The following RBFOX1 variants were observed in gnomAD, a reference collection of about 807,000 sequenced individuals.
RBFOX1 encodes the protein RNA binding fox-1 homolog 1.
RBFOX1 carries 8 observed loss-of-function variants against 57.7 expected under a neutral mutation model. The observed-to-expected ratio is 0.14, with a 90% CI of 0.08 to 0.25. RBFOX1 has a LOEUF of 0.25. RBFOX1 is among the 10% of genes least tolerant of loss of function. RBFOX1 has a pLI of 1.00. For synonymous variants in RBFOX1, 326 were observed against 222.4 expected (o/e 1.47, Z -4.15); for missense variants, 611 against 548.5 (o/e 1.11, Z -1.14).
chr16:6,169,042 G>T (rs186025717), intron 1 of RBFOX1, among the ~76,000 whole-genome samples: 2 of 152,082 alleles, frequency 1.3e-5, no homozygotes, highest in Admixed American at 1.3e-4. Flanking sequence ...CATAATGAGC[G>T]TCATATAAAC....
chr16:6,462,232 G>T (rs749466468), intron 2 of RBFOX1, among the ~76,000 whole-genome samples: 9 of 152,142 alleles, frequency 5.9e-5, no homozygotes, highest in Non-Finnish European at 1.2e-4. Context: ...CAGTCCTCCA[G>T]TCTCACTCTG....
chr16:5,399,283 G>A (rs952801786), intron 1 of RBFOX1, among the ~76,000 whole-genome samples: 1 of 152,204 alleles, frequency 6.6e-6, no homozygotes, highest in African/African-American at 2.4e-5. Flanking sequence ...CTTAGCCGTG[G>A]ATGAGGTCAA....
At chr16:7,316,112 T>C (rs976119735) in intron 4 of RBFOX1, among the ~76,000 whole-genome samples, 2 of 152,244 alleles carry the variant, frequency 1.3e-5, no homozygotes, top group African/African-American at 4.8e-5. Context: ...ATTTCCTCTT[T>C]AATCATGCAG....
chr16:5,364,576 C>G (rs1460282278), intron 1 of RBFOX1, among the ~76,000 whole-genome samples: 3 of 152,192 alleles, frequency 2.0e-5, no homozygotes, highest in Admixed American at 6.5e-5. Flanking sequence ...GATACTTACT[C>G]CATTCTCTAT....
chr16:5,760,428 G>C lies in RBFOX1; in HGVS notation c.319-106875G>C, dbSNP rs533549689. 2.0e-5 allele frequency among the ~76,000 whole-genome samples: 3 copies of C among 152,146 alleles called. No homozygotes were observed. The South Asian group carries it at 6.2e-4, about 32-fold the overall frequency. ...CATACATATATACCCCCAAAGAATT[G>C]TAAGTAGGTATTCAATTACATGTCC... On this transcript the variant is annotated intron_variant, in intron 3 of 19. Coordinates refer to the RBFOX1 transcript ENST00000641259.
chr16:7,518,096 G>T (rs1325557109), intron 4 of RBFOX1, 51 bp from the exon 5 acceptor site: 1 of 1,568,806 alleles, frequency 6.4e-7, no homozygotes, highest in South Asian at 1.2e-5. Context: ...GTTTCTGCAT[G>T]GTGGCTCCTC....
At chr16:6,420,539 C>T (rs138131834) in intron 2 of RBFOX1, among the ~76,000 whole-genome samples, 1 of 152,116 alleles carries the variant, frequency 6.6e-6, no homozygotes, top group African/African-American at 2.4e-5. Context: ...TGGAGAAAAA[C>T]CACATCGGGA....
At chr16:5,876,932 G>T (rs1178288606) in intron 4 of RBFOX1, among the ~76,000 whole-genome samples, 1 of 152,152 alleles carries the variant, frequency 6.6e-6, no homozygotes, top group Non-Finnish European at 1.5e-5. Context: ...TATGGGGGAA[G>T]GCCTGGAGAT....
At chr16:6,717,785 T>G (rs1603457551) in intron 3 of RBFOX1, among the ~76,000 whole-genome samples, 1 of 152,164 alleles carries the variant, frequency 6.6e-6, no homozygotes, top group Non-Finnish European at 1.5e-5. Context: ...ATTCTCAACA[T>G]GGACCCAGCA....
chr16:7,146,631 C>G (rs997032551), intron 4 of RBFOX1, among the ~76,000 whole-genome samples: 1 of 152,064 alleles, frequency 6.6e-6, no homozygotes, highest in Non-Finnish European at 1.5e-5. Flanking sequence ...ACTCCAGAAA[C>G]TCAGAACCCA....
chr16:7,403,709 G>A (rs2098283441), intron 4 of RBFOX1, among the ~76,000 whole-genome samples: 2 of 151,858 alleles, frequency 1.3e-5, no homozygotes, highest in South Asian at 4.2e-4. Flanking sequence ...ACTACTCCAT[G>A]TGAATTTTGT....
At chr16:6,395,514 GT>G (rs1291917301) in intron 2 of RBFOX1, among the ~76,000 whole-genome samples, 1 of 151,816 alleles carries the variant, frequency 6.6e-6, no homozygotes, top group Non-Finnish European at 1.5e-5. Flanking sequence ...AGATATTTAA[GT>G]TCTTACTTTT....
In RBFOX1 at chr16:6,384,977, G is replaced by A. The variant is rs1157214090; in HGVS notation, c.-64+67920G>A. Among the ~76,000 whole-genome samples, 5 of 152,280 alleles carry A rather than the reference G, an allele frequency of 3.3e-5. No homozygotes were observed. In the South Asian group the frequency reaches 6.2e-4, roughly 19 times the overall value. On this transcript the variant is annotated intron_variant, in intron 2 of 15. Transcript: ENST00000550418. ...TTCTGTGTAAATGGTAGCCATGTCC[G>A]AGTGGGTGTCACTCACCCTATTTCA...
chr16:5,528,996 G>A (rs2044355499), intron 2 of RBFOX1, among the ~76,000 whole-genome samples: 1 of 151,930 alleles, frequency 6.6e-6, no homozygotes, highest in South Asian at 2.1e-4. Flanking sequence ...TTCTCATCTG[G>A]TTGCATGCAG....
intron 3 of RBFOX1, among the ~76,000 whole-genome samples, chr16:6,914,804 C>A (rs1246528421): frequency 6.6e-6 from 1 of 152,180 alleles, no homozygotes; most frequent in Admixed American, 6.5e-5. Flanking sequence ...AACAAGATCG[C>A]TGAAGCCCAG....
At chr16:6,507,826 G>A (rs1250175118) in intron 2 of RBFOX1, among the ~76,000 whole-genome samples, 1 of 151,864 alleles carries the variant, frequency 6.6e-6, no homozygotes, top group Non-Finnish European at 1.5e-5. Flanking sequence ...AAGGAGGGGG[G>A]AATGGGGAAT....
At chr16:5,787,790 A>T (rs2054556051) in intron 3 of RBFOX1, among the ~76,000 whole-genome samples, 1 of 152,228 alleles carries the variant, frequency 6.6e-6, no homozygotes. Flanking sequence ...TCATTTCCCA[A>T]GGTGTTCCTG....
At chr16:6,242,656 A>ACACACG (rs1194079685) in intron 1 of RBFOX1, among the ~76,000 whole-genome samples, 2 of 131,676 alleles carry the variant, frequency 1.5e-5, no homozygotes, top group Admixed American at 1.6e-4. Context: ...ACACACACAC[A>ACACACG]CACACACATT....
At chr16:5,819,931 C>T (rs2151801000) in intron 3 of RBFOX1, among the ~76,000 whole-genome samples, 1 of 152,300 alleles carries the variant, frequency 6.6e-6, no homozygotes, top group South Asian at 2.1e-4. Flanking sequence ...GGCCTTTCTG[C>T]TGGCCTTTAT....
Sources: gnomAD v4.1 joint callset for allele counts (sites outside exome capture counted in the v4.1 genomes callset) on GRCh38, gnomAD v4.1.1 for gene constraint, MANE v1.5 for transcripts, NCBI Gene and HGNC (gene_info 2026-07-23, HGNC 2026-07-21) for gene names.